USP45: variants seen among roughly 807,000 people sequenced by gnomAD.
The protein encoded by USP45 is ubiquitin specific peptidase 45, also known as ubiquitin carboxyl-terminal hydrolase 45.
In USP45, 89 loss-of-function variants were observed where a neutral mutation model predicts 95.8. That is an observed-to-expected ratio of 0.93 (90% CI 0.78 to 1.11). USP45 has a LOEUF of 1.11. USP45 is among the 50% of genes least tolerant of loss of function. USP45 has a pLI of 0.00. For synonymous variants in USP45, 281 were observed against 316.2 expected, an observed-to-expected ratio of 0.89 and a Z score of 1.18; for missense variants, 898 against 942.5, an observed-to-expected ratio of 0.95 and a Z score of 0.62.
intron 13 of USP45, among the ~76,000 whole-genome samples, chr6:99,446,770 A>G (rs1354295642): frequency 6.6e-6 from 1 of 152,168 alleles, no homozygotes; most frequent in Non-Finnish European, 1.5e-5. Flanking sequence ...TAGAGACAGC[A>G]TCTTGCTCTG....
At chr6:99,515,183 A>C (rs917150098) in intron 1 of USP45, 1 of 152,326 alleles carries the variant, frequency 6.6e-6, no homozygotes, top group African/African-American at 2.4e-5. Flanking sequence ...CTTCTCCCGC[A>C]GCCGCATGGA....
At position 99,511,123 on chromosome 6, in the gene USP45, TAAAAG is replaced by T. The variant is rs558470954; in HGVS notation, c.-10-898_-10-894del. Among the ~76,000 whole-genome samples the T allele has an allele frequency of 3.9e-5, 6 of 152,208 alleles. No homozygotes were observed. The South Asian group carries it at 1.2e-3, about 32-fold the overall frequency. On this transcript the variant is annotated intron_variant, in intron 1 of 17. Coordinates refer to ENST00000500704, the MANE Select transcript of USP45 (RefSeq NM_001346022.3). ...AAAAATTTTAAACATCTACAAAAGT[TAAAAG>T]AACAGTATAATGAACACTCATATAC...
intron 14 of USP45, among the ~76,000 whole-genome samples, chr6:99,444,913 G>T (rs148867081): frequency 6.6e-6 from 1 of 152,106 alleles, no homozygotes; most frequent in African/African-American, 2.4e-5. Context: ...TAGCCTCACC[G>T]TACCTGAATA....
At chr6:99,472,175 A>T (rs554483269) in intron 9 of USP45, among the ~76,000 whole-genome samples, 20 of 152,110 alleles carry the variant, frequency 1.3e-4, no homozygotes, top group African/African-American at 4.1e-4. Flanking sequence ...AAAAACCCCA[A>T]GACATAATTT....
chr6:99,505,241 A>G (rs149826507), intron 4 of USP45, among the ~76,000 whole-genome samples: 93 of 152,272 alleles, frequency 6.1e-4, no homozygotes, highest in African/African-American at 2.2e-3. Context: ...CCCTCAATTA[A>G]GTTTACTCAT....
At chr6:99,472,241 C>A (rs1025047556) in intron 9 of USP45, among the ~76,000 whole-genome samples, 1 of 124,790 alleles carries the variant, frequency 8.0e-6, no homozygotes, top group African/African-American at 3.0e-5. Context: ...TTTTTGAGAA[C>A]GTGTCTCACT....
chr6:99,511,841 G>GTATA (rs1233019298), intron 1 of USP45, among the ~76,000 whole-genome samples: 8 of 133,560 alleles, frequency 6.0e-5, no homozygotes, highest in South Asian at 2.4e-4. Flanking sequence ...GTATGTGAGT[G>GTATA]TGTGTATATA....
At chr6:99,500,011 A>G (rs890103431) in intron 5 of USP45, among the ~76,000 whole-genome samples, 6 of 152,220 alleles carry the variant, frequency 3.9e-5, no homozygotes, top group African/African-American at 1.4e-4. Context: ...CACCTTGGAA[A>G]TATAAAGTAC....
chr6:99,486,830 CTTACACACACACACAA>C (rs937555689), intron 7 of USP45, among the ~76,000 whole-genome samples: 13 of 151,830 alleles, frequency 8.6e-5, no homozygotes, highest in African/African-American at 3.2e-4. Context: ...GACTTACACA[CTTACACACACACACAA>C]ACACACACAC....
chr6:99,502,080 T>C (rs1272377709), intron 5 of USP45: 16 of 1,238,922 alleles, frequency 1.3e-5, no homozygotes, highest in African/African-American at 1.6e-5. Flanking sequence ...ATATGGCCAA[T>C]GATTCAATCA....
chr6:99,466,412 G>T (rs1159535513), intron 11 of USP45, among the ~76,000 whole-genome samples: 1 of 152,162 alleles, frequency 6.6e-6, no homozygotes, highest in Non-Finnish European at 1.5e-5. Flanking sequence ...ATGAATTTCA[G>T]TATATTAAGA....
At chr6:99,444,337 TTA>T (rs939122556) in intron 14 of USP45, among the ~76,000 whole-genome samples, 5 of 152,156 alleles carry the variant, frequency 3.3e-5, no homozygotes, top group African/African-American at 1.2e-4. Context: ...TTCCTAAGAT[TTA>T]TGTTAGTATT....
chr6:99,437,206 C>T (rs139977390), intron 17 of USP45, 40 bp downstream of exon 17: 198 of 1,563,244 alleles, frequency 1.3e-4, no homozygotes, highest in Non-Finnish European at 1.6e-4. Context: ...AGCACATATT[C>T]GTTTGTTTTT....
rs769009659 is a variant in USP45 at position 99,503,820 on chromosome 6, C to T, written c.423G>A (p.Lys141=). 17 of 1,599,796 alleles carry T rather than the reference C, an allele frequency of 1.1e-5. No homozygotes were observed. In the South Asian group the frequency reaches 1.7e-4, roughly 16 times the overall value. The change falls in exon 5 of 18, where the codon AAG becomes AAA. Residue 141 remains lysine, a synonymous_variant. Coordinates refer to ENST00000500704, the MANE Select transcript of USP45 (RefSeq NM_001346022.3). The part of the protein sequence containing the change: ...DEKLSTHCNK[K]VLAQIVDFLQ... ...GAAAATCAACTATCTGAGCCAAAAC[C>T]TTCTTATTACAATGCGTTGATAATT...
intron 13 of USP45, among the ~76,000 whole-genome samples, chr6:99,450,292 CAAAT>C (rs1783562822): frequency 6.6e-6 from 1 of 151,600 alleles, no homozygotes; most frequent in Non-Finnish European, 1.5e-5. Flanking sequence ...ACTAGCAAGA[CAAAT>C]AAAGAAGAAA....
Position 99,476,203 on chromosome 6 carries a change from T to C in USP45, c.873A>G (p.Gln291=), listed in dbSNP as rs777362868. ...QKAPRFKDFQ[Q]QDSQELLHYL... Reference sequence around the variant, plus strand: ...AATGAAGAAGCTCCTGACTGTCCTGTTGCTGGAAATCTTTAAATCGAGGTG... The same window carrying C: ...AATGAAGAAGCTCCTGACTGTCCTGCTGCTGGAAATCTTTAAATCGAGGTG... Residue 291 remains glutamine, a synonymous_variant, in exon 9 of 18, where the codon CAA becomes CAG. Coordinates refer to ENST00000500704, the MANE Select transcript of USP45 (RefSeq NM_001346022.3). 3.7e-6 allele frequency: 6 copies of C among 1,614,060 alleles called. No individual in the cohort carries two copies. The highest frequency in any genetic ancestry group is 5.1e-6 in the Non-Finnish European group (6 of 1,179,950).
chr6:99,437,044 T>A (rs1582923088), intron 17 of USP45, among the ~76,000 whole-genome samples: 1 of 152,174 alleles, frequency 6.6e-6, no homozygotes. Flanking sequence ...GAGGTTGCAG[T>A]GAGCCAAGAT....
At chr6:99,474,897 T>A (rs1470898368) in intron 9 of USP45, among the ~76,000 whole-genome samples, 1 of 152,178 alleles carries the variant, frequency 6.6e-6, no homozygotes, top group Non-Finnish European at 1.5e-5. Flanking sequence ...TAATTTAACG[T>A]TAAAGTCAAT....
chr6:99,443,023 G>A (rs1781817715), intron 15 of USP45, among the ~76,000 whole-genome samples: 1 of 152,140 alleles, frequency 6.6e-6, no homozygotes, highest in Non-Finnish European at 1.5e-5. Context: ...TTCGAAACCA[G>A]CCTGGCCAAC....
Sources: allele counts gnomAD v4.1 joint callset (sites outside exome capture counted in the v4.1 genomes callset), GRCh38; gene constraint gnomAD v4.1.1; transcripts MANE v1.5; gene names NCBI Gene and HGNC (gene_info 2026-07-23, HGNC 2026-07-21).